Variants in MYRIP observed in about 807,000 individuals in gnomAD.
MYRIP encodes myosin VIIA and Rab interacting protein, also known as rab effector MyRIP.
In MYRIP, 49 loss-of-function variants were observed where a neutral mutation model predicts 98.0. The observed-to-expected ratio is 0.50, with a 90% CI of 0.40 to 0.63. MYRIP has a LOEUF of 0.63. Among genes scored for constraint, MYRIP ranks in the 30% least tolerant of loss-of-function variants. MYRIP has a pLI of 0.00. For missense variants in MYRIP, 1,004 were observed against 1,058.2 expected (o/e 0.95, Z 0.71); for synonymous variants, 404 against 409.5 (o/e 0.99, Z 0.16).
At chr3:39,973,170 A>T (rs1945643296) in intron 2 of MYRIP, among the ~76,000 whole-genome samples, 1 of 152,146 alleles carries the variant, frequency 6.6e-6, no homozygotes, top group South Asian at 2.1e-4. Context: ...TCATGTGCAG[A>T]GACACACATA....
chr3:40,220,409 T>C (rs1185979384), intron 11 of MYRIP, among the ~76,000 whole-genome samples: 3 of 152,322 alleles, frequency 2.0e-5, no homozygotes, highest in East Asian at 1.9e-4. Flanking sequence ...AAGTCCTTGC[T>C]CATGCGTATG....
At chr3:39,977,059 TG>T (rs1945771716) in intron 2 of MYRIP, among the ~76,000 whole-genome samples, 1 of 108,660 alleles carries the variant, frequency 9.2e-6, no homozygotes. Context: ...AAAATTATTC[TG>T]TGTGTTTTTT....
intron 2 of MYRIP, among the ~76,000 whole-genome samples, chr3:40,041,458 T>C (rs1947529177): frequency 6.6e-6 from 1 of 150,888 alleles, no homozygotes; most frequent in Non-Finnish European, 1.5e-5. Flanking sequence ...TTCTGTGATA[T>C]TCCCACCCAG....
intron 1 of MYRIP, among the ~76,000 whole-genome samples, chr3:39,876,038 A>G (rs1160459736): frequency 6.6e-6 from 1 of 152,096 alleles, no homozygotes; most frequent in East Asian, 1.9e-4. Flanking sequence ...TATTGGGTGC[A>G]TATATATTTA....
intron 1 of MYRIP, among the ~76,000 whole-genome samples, chr3:39,888,186 T>C (rs1325208132): frequency 6.6e-6 from 1 of 152,080 alleles, no homozygotes; most frequent in East Asian, 1.9e-4. Context: ...TACTTTAAAG[T>C]TCATATGGAA....
chr3:39,909,690 C>T (rs561794244), intron 2 of MYRIP, among the ~76,000 whole-genome samples: 159 of 152,070 alleles, frequency 1.0e-3, no homozygotes, highest in Middle Eastern at 3.2e-3. Flanking sequence ...AGGGAGCATC[C>T]TGGGTAAAGT....
At chr3:40,002,105 G>A (rs1258925563) in intron 2 of MYRIP, among the ~76,000 whole-genome samples, 1 of 152,176 alleles carries the variant, frequency 6.6e-6, no homozygotes, top group Non-Finnish European at 1.5e-5. Flanking sequence ...CTTTTGGTGT[G>A]AGGTCAGGCA....
At chr3:40,008,659 A>T (rs1440347338) in intron 2 of MYRIP, among the ~76,000 whole-genome samples, 1 of 152,202 alleles carries the variant, frequency 6.6e-6, no homozygotes, top group African/African-American at 2.4e-5. Flanking sequence ...ATTGGTAATT[A>T]TAGCAAGACC....
chr3:40,077,261 CA>C (rs1948365922), intron 3 of MYRIP, among the ~76,000 whole-genome samples: 1 of 152,172 alleles, frequency 6.6e-6, no homozygotes. Flanking sequence ...AAAGCTTCCA[CA>C]GTGTGGAAGG....
intron 10 of MYRIP, among the ~76,000 whole-genome samples, chr3:40,196,086 T>G (rs61619834): frequency 0.036 from 5,548 of 152,026 alleles, 337 homozygotes; most frequent in African/African-American, 0.13. Flanking sequence ...AGTTTATAGA[T>G]TTTTTTTCTC....
chr3:40,021,630 T>C (rs1179345650), intron 2 of MYRIP, among the ~76,000 whole-genome samples: 2 of 152,350 alleles, frequency 1.3e-5, no homozygotes, highest in African/African-American at 2.4e-5. Context: ...TACATCAGTG[T>C]GCCCAACAAC....
At chr3:39,809,290 C>G (rs1465129990), upstream of MYRIP, among the ~76,000 whole-genome samples, 1 of 151,734 alleles carries the variant, frequency 6.6e-6, no homozygotes, top group African/African-American at 2.4e-5. Context: ...GGCTCCCGAA[C>G]CGCGGCCCCA....
At chr3:40,105,567 C>A (rs909707210) in intron 3 of MYRIP, among the ~76,000 whole-genome samples, 5 of 152,106 alleles carry the variant, frequency 3.3e-5, no homozygotes, top group African/African-American at 9.7e-5. Flanking sequence ...ATAACCAGAT[C>A]TTGTGAGAAC....
intron 1 of MYRIP, among the ~76,000 whole-genome samples, chr3:39,881,548 G>C (rs1057315533): frequency 6.6e-6 from 1 of 152,130 alleles, no homozygotes; most frequent in Non-Finnish European, 1.5e-5. Context: ...CGGACAGTGA[G>C]TCAGAGGCCT....
intron 2 of MYRIP, among the ~76,000 whole-genome samples, chr3:39,990,108 G>A (rs1307383463): frequency 6.6e-6 from 1 of 152,194 alleles, no homozygotes; most frequent in African/African-American, 2.4e-5. Context: ...TCATTGTTGG[G>A]ACCCTAGACC....
intron 1 of MYRIP, among the ~76,000 whole-genome samples, chr3:39,885,543 T>A (rs1485207816): frequency 6.6e-6 from 1 of 152,150 alleles, no homozygotes; most frequent in Non-Finnish European, 1.5e-5. Flanking sequence ...AATGTTGGCC[T>A]GCCTTGCTAG....
chr3:39,979,282 A>T (rs984156958), intron 2 of MYRIP, among the ~76,000 whole-genome samples: 1 of 152,112 alleles, frequency 6.6e-6, no homozygotes, highest in African/African-American at 2.4e-5. Flanking sequence ...CACTATGCTT[A>T]GCTTTCAAAC....
intron 2 of MYRIP, among the ~76,000 whole-genome samples, chr3:39,991,212 A>G (rs548309856): frequency 6.6e-6 from 1 of 152,234 alleles, no homozygotes; most frequent in Non-Finnish European, 1.5e-5. Flanking sequence ...GTCTGCCTCG[A>G]TAAGCTTCTA....
At chr3:40,109,037 C>T (rs903368987) in intron 3 of MYRIP, among the ~76,000 whole-genome samples, 5 of 152,174 alleles carry the variant, frequency 3.3e-5, no homozygotes, top group Non-Finnish European at 5.9e-5. Context: ...CAAGCCAACC[C>T]TAAGTCTCTT....
Sources: allele counts gnomAD v4.1 joint callset (sites outside exome capture counted in the v4.1 genomes callset), GRCh38; gene constraint gnomAD v4.1.1; transcripts MANE v1.5; gene names NCBI Gene and HGNC (gene_info 2026-07-23, HGNC 2026-07-21).